HTR2C: variants seen among roughly 807,000 people sequenced by gnomAD.
HTR2C encodes 5-hydroxytryptamine receptor 2C.
In HTR2C, 5 loss-of-function variants were observed where a neutral mutation model predicts 21.0. The observed-to-expected ratio is 0.24, with a 90% CI of 0.12 to 0.50. HTR2C has a LOEUF of 0.50. Among genes scored for constraint, HTR2C ranks in the 20% least tolerant of loss-of-function variants. HTR2C has a pLI of 0.98. For synonymous variants in HTR2C, 150 were observed against 145.3 expected (o/e 1.03, Z -0.23); for missense variants, 271 against 371.2 (o/e 0.73, Z 2.22).
intron 5 of HTR2C, among the ~76,000 whole-genome samples, chrX:114,868,017 A>AT (rs375601122): frequency 0.041 from 4,424 of 107,513 alleles, 180 homozygotes; most frequent in African/African-American, 0.12. Context: ...AAATTTTAGA[A>AT]TTTTTTTTTT....
chrX:114,783,928 G>A (rs2070145312), intron 4 of HTR2C, among the ~76,000 whole-genome samples: 1 of 109,744 alleles, frequency 9.1e-6, no homozygotes, highest in African/African-American at 3.3e-5. Context: ...TGAATCTAAA[G>A]CAGTGTTTAA....
At chrX:114,592,544 C>T (rs1350267019) in intron 1 of HTR2C, among the ~76,000 whole-genome samples, 1 of 111,678 alleles carries the variant, frequency 9.0e-6, no homozygotes, top group Non-Finnish European at 1.9e-5. Context: ...TAAAAAAACA[C>T]TCTATCCCTT....
chrX:114,637,554 G>C (rs1362401895), intron 2 of HTR2C, among the ~76,000 whole-genome samples: 2 of 111,801 alleles, frequency 1.8e-5, no homozygotes, highest in African/African-American at 3.3e-5. Context: ...AATTATTTCA[G>C]GGTCTAGAAG....
intron 5 of HTR2C, among the ~76,000 whole-genome samples, chrX:114,875,093 C>G (rs2071122937): frequency 1.8e-5 from 2 of 111,175 alleles, no homozygotes; most frequent in South Asian, 7.7e-4. Context: ...TAAGGGCCCA[C>G]TTTCTCATAG....
intron 4 of HTR2C, among the ~76,000 whole-genome samples, chrX:114,734,513 C>A (rs1602731511): frequency 1.5e-5 from 1 of 65,125 alleles, no homozygotes; most frequent in African/African-American, 6.3e-5. Flanking sequence ...GTTTCCAAAG[C>A]AAAAAGAGGG....
intron 2 of HTR2C, among the ~76,000 whole-genome samples, chrX:114,723,480 T>C (rs1439401265): frequency 9.0e-6 from 1 of 111,232 alleles, no homozygotes; most frequent in East Asian, 2.8e-4. Flanking sequence ...CCGGATTCAA[T>C]AATTTTTTGA....
At chrX:114,853,318 G>A (rs1480414252) in intron 5 of HTR2C, among the ~76,000 whole-genome samples, 1 of 110,390 alleles carries the variant, frequency 9.1e-6, no homozygotes, top group East Asian at 2.9e-4. Flanking sequence ...AATATTTTCT[G>A]TTTGCTATTT....
At chrX:114,881,219 C>T (rs2071178585) in intron 5 of HTR2C, among the ~76,000 whole-genome samples, 1 of 111,035 alleles carries the variant, frequency 9.0e-6, no homozygotes, top group Middle Eastern at 4.2e-3. Flanking sequence ...TTATCTCTTA[C>T]TACTGAATTG....
chrX:114,843,477 G>A (rs973822397), intron 4 of HTR2C, among the ~76,000 whole-genome samples: 1 of 111,356 alleles, frequency 9.0e-6, no homozygotes, highest in African/African-American at 3.3e-5. Flanking sequence ...CAATGCCTAA[G>A]GGACCTTTGA....
At chrX:114,761,936 T>C (rs903098889) in intron 4 of HTR2C, among the ~76,000 whole-genome samples, 2 of 109,573 alleles carry the variant, frequency 1.8e-5, no homozygotes, top group African/African-American at 3.4e-5. Context: ...TATACATATA[T>C]GTGTATATAT....
intron 1 of HTR2C, among the ~76,000 whole-genome samples, chrX:114,611,790 C>T (rs925318408): frequency 3.6e-5 from 4 of 111,682 alleles, no homozygotes; most frequent in Admixed American, 1.9e-4. Context: ...CTCCGCCTCC[C>T]GGGTTCACGT....
chrX:114,646,195 T>C (rs1930355803), intron 2 of HTR2C, among the ~76,000 whole-genome samples: 1 of 111,892 alleles, frequency 8.9e-6, no homozygotes, highest in Non-Finnish European at 1.9e-5. Flanking sequence ...ATCTAGGTTA[T>C]TAAAATTATT....
intron 4 of HTR2C, chrX:114,776,050 C>T (rs782685335): frequency 2.2e-6 from 1 of 446,550 alleles, no homozygotes; most frequent in Non-Finnish European, 4.0e-6. Flanking sequence ...TATGCTTGAA[C>T]TCAGCAATAA....
At chrX:114,830,721 G>A (rs1407008890) in intron 4 of HTR2C, among the ~76,000 whole-genome samples, 1 of 103,566 alleles carries the variant, frequency 9.7e-6, no homozygotes, top group South Asian at 4.3e-4. Flanking sequence ...TATACTTTAA[G>A]TTTTAGTGTA....
chrX:114,731,745 A>G (rs2069539960), intron 4 of HTR2C, 138 bp downstream of exon 4: 1 of 452,173 alleles, frequency 2.2e-6, no homozygotes, highest in Non-Finnish European at 3.7e-6. Context: ...AAGGAGTTGG[A>G]TGTATGTATC....
intron 2 of HTR2C, among the ~76,000 whole-genome samples, chrX:114,696,630 T>G (rs1932284549): frequency 2.7e-5 from 3 of 111,243 alleles, no homozygotes; most frequent in African/African-American, 9.8e-5. Context: ...GGTTTTTTTT[T>G]TTCTTTTTTC....
Position 114,584,533 on chromosome X carries a change from C to CGCGCAGCGCA in HTR2C, c.-265_-256dup, listed in dbSNP as rs199876718. The CGCGCAGCGCA allele has an allele frequency of 8.8e-6, 1 of 113,132 alleles. No individual in the cohort carries two copies. The highest frequency in any genetic ancestry group is 2.8e-4 in the East Asian group (1 of 3,512). 9.3% of individuals were successfully genotyped at this position (113,132 alleles called of 1,213,427 possible). A position where few individuals can be genotyped will look rare whatever the true frequency, so the allele number is the denominator to read the frequency against. On this transcript the variant is annotated 5_prime_UTR_variant, in exon 1 of 6. Transcript: ENST00000276198. The stretch of plus-strand genomic sequence containing the variant: ...CCTCCGCCGAGGCGCGAGGTTGCGG[C>CGCGCAGCGCA]GCGCAGCGCAGCGCAGCTCAGCGCA...
chrX:114,799,472 G>GA (rs1282734467), intron 4 of HTR2C, among the ~76,000 whole-genome samples: 15 of 100,776 alleles, frequency 1.5e-4, no homozygotes, highest in South Asian at 8.5e-4. Context: ...CTCCTCTCTG[G>GA]AAAAAAAAAA....
At chrX:114,624,422 T>C (rs782649438) in intron 2 of HTR2C, among the ~76,000 whole-genome samples, 4 of 112,232 alleles carry the variant, frequency 3.6e-5, no homozygotes, top group East Asian at 2.8e-4. Flanking sequence ...CTCCTAGATA[T>C]AAAAGCACAA....
Sources: gnomAD v4.1 joint callset for allele counts (sites outside exome capture counted in the v4.1 genomes callset) on GRCh38, gnomAD v4.1.1 for gene constraint, MANE v1.5 for transcripts, NCBI Gene and HGNC (gene_info 2026-07-23, HGNC 2026-07-21) for gene names.